ITFG1: variants seen among roughly 807,000 people sequenced by gnomAD.
ITFG1 encodes the protein T-cell immunomodulatory protein.
In ITFG1, 34 loss-of-function variants were observed where a neutral mutation model predicts 81.8. That is an observed-to-expected ratio of 0.42 (90% confidence interval 0.32 to 0.55). The LOEUF (loss-of-function observed/expected upper bound fraction) is 0.55, where lower values mean the gene tolerates loss of function less well. Among genes scored for constraint, ITFG1 ranks in the 20% least tolerant of loss-of-function variants. The pLI is 0.17. For missense variants in ITFG1, 672 were observed against 755.4 expected, an observed-to-expected ratio of 0.89 and a Z score of 1.29; for synonymous variants, 285 against 270.6, an observed-to-expected ratio of 1.05 and a Z score of -0.52.
At chr16:47,256,078 C>A (rs1966136355) in intron 12 of ITFG1, among the ~76,000 whole-genome samples, 1 of 152,186 alleles carries the variant, frequency 6.6e-6, no homozygotes, top group East Asian at 1.9e-4. Context: ...AGGCTCCAGC[C>A]TCAGCCTCCT....
chr16:47,392,819 C>T (rs925607017), intron 6 of ITFG1, among the ~76,000 whole-genome samples: 11 of 152,182 alleles, frequency 7.2e-5, no homozygotes, highest in South Asian at 2.1e-4. Flanking sequence ...CAATATCTGA[C>T]ACTGGTCTCA....
At position 47,364,663 on chromosome 16, in the gene ITFG1, A is replaced by G. The variant is rs560883834; in HGVS notation, c.802+1125T>C. The stretch of plus-strand genomic sequence containing the variant: ...CAACAGAAATTTACTTAAAATTAAC[A>G]TAATATTCAATATAACTAAAATACA... On this transcript the variant is annotated intron_variant, in intron 8 of 17. Transcript: ENST00000320640. Among the ~76,000 whole-genome samples, 11 of 152,342 alleles carry G rather than the reference A, an allele frequency of 7.2e-5. No homozygotes were observed. The East Asian group carries it at 2.1e-3, about 29-fold the overall frequency.
intron 6 of ITFG1, among the ~76,000 whole-genome samples, chr16:47,385,953 T>C (rs1191995369): frequency 1.3e-5 from 2 of 152,176 alleles, no homozygotes; most frequent in Non-Finnish European, 2.9e-5. Flanking sequence ...GAATATTCCT[T>C]TGGAGCATAC....
intron 8 of ITFG1, among the ~76,000 whole-genome samples, chr16:47,339,280 C>T (rs1210811196): frequency 1.3e-5 from 2 of 152,194 alleles, no homozygotes; most frequent in African/African-American, 4.8e-5. Context: ...CTGTGACATA[C>T]TGATTTCCTT....
At chr16:47,321,227 T>C (rs762954802) in intron 8 of ITFG1, among the ~76,000 whole-genome samples, 4 of 152,182 alleles carry the variant, frequency 2.6e-5, no homozygotes, top group African/African-American at 9.7e-5. Context: ...GCTTTTAATA[T>C]GTGAGACCCA....
chr16:47,436,868 A>G (rs186265685), intron 5 of ITFG1, among the ~76,000 whole-genome samples: 17 of 152,340 alleles, frequency 1.1e-4, no homozygotes, highest in Admixed American at 9.8e-4. Flanking sequence ...ATTTTTGAGA[A>G]GTAAACCAAA....
chr16:47,454,434 T>C (rs1969426987), intron 2 of ITFG1, among the ~76,000 whole-genome samples: 1 of 152,198 alleles, frequency 6.6e-6, no homozygotes. Flanking sequence ...ATGGCTAGTA[T>C]AGCCCTTCTA....
At chr16:47,443,701 G>A (rs957094542) in intron 5 of ITFG1, among the ~76,000 whole-genome samples, 6 of 151,992 alleles carry the variant, frequency 3.9e-5, no homozygotes, top group Non-Finnish European at 7.4e-5. Context: ...TGAACAAAGA[G>A]AACACATGGA....
intron 10 of ITFG1, among the ~76,000 whole-genome samples, chr16:47,310,577 C>T (rs1450443002): frequency 6.6e-6 from 1 of 152,084 alleles, no homozygotes; most frequent in Non-Finnish European, 1.5e-5. Context: ...AAAGTAATTG[C>T]AGCATTAAAA....
intron 14 of ITFG1, among the ~76,000 whole-genome samples, chr16:47,216,050 C>T (rs8047754): frequency 0.12 from 17,901 of 151,996 alleles, 2,301 homozygotes; most frequent in African/African-American, 0.32. Flanking sequence ...TGGGGTAGAT[C>T]TTTAAAAATC....
intron 10 of ITFG1, among the ~76,000 whole-genome samples, chr16:47,307,393 C>T (rs1041669690): frequency 2.0e-5 from 3 of 152,028 alleles, no homozygotes; most frequent in African/African-American, 7.2e-5. Context: ...TTTCTTCCCT[C>T]AGAACTAATT....
intron 10 of ITFG1, among the ~76,000 whole-genome samples, chr16:47,295,191 AAT>A (rs1207267982): frequency 2.0e-5 from 3 of 152,108 alleles, no homozygotes; most frequent in African/African-American, 4.8e-5. Context: ...GCATCGCTGG[AAT>A]AAATCTTGCT....
At chr16:47,301,261 T>TG (rs1432280289) in intron 10 of ITFG1, among the ~76,000 whole-genome samples, 4 of 152,082 alleles carry the variant, frequency 2.6e-5, no homozygotes. Context: ...GACTAAAAAC[T>TG]AGAGAAAATG....
chr16:47,350,735 A>G (rs2151581223), intron 8 of ITFG1, among the ~76,000 whole-genome samples: 1 of 152,340 alleles, frequency 6.6e-6, no homozygotes, highest in Admixed American at 6.5e-5. Flanking sequence ...TCATCCTGAC[A>G]CCAAAGCCGG....
chr16:47,296,505 G>A lies in ITFG1; in HGVS notation c.1070+14735C>T, dbSNP rs188216263. On this transcript the variant is annotated intron_variant, in intron 10 of 17. Transcript: ENST00000320640. ...GGCTGGAGTGCAGTGGCACAATCTC[G>A]GCTCACTGAAACTTCCGCCTCCCGG... is the stretch of plus-strand genomic sequence containing the variant. Among the ~76,000 whole-genome samples, 271 of 152,030 alleles carry A rather than the reference G, an allele frequency of 1.8e-3. 2 individuals carry two copies. In the Middle Eastern group the frequency reaches 0.024, roughly 13 times the overall value.
intron 14 of ITFG1, chr16:47,202,332 T>A (rs1302695552): frequency 1.3e-5 from 2 of 152,200 alleles, no homozygotes; most frequent in Non-Finnish European, 2.9e-5. Context: ...GTCTGAAGAA[T>A]TTAACGTCGA....
chr16:47,302,975 G>GA (rs1231715104), intron 10 of ITFG1, among the ~76,000 whole-genome samples: 1 of 152,126 alleles, frequency 6.6e-6, no homozygotes, highest in African/African-American at 2.4e-5. Flanking sequence ...AATATGTGAA[G>GA]AAAAATAGAC....
At chr16:47,408,366 T>C (rs905590400) in intron 6 of ITFG1, among the ~76,000 whole-genome samples, 1 of 152,206 alleles carries the variant, frequency 6.6e-6, no homozygotes, top group African/African-American at 2.4e-5. Context: ...CACAAAGAAG[T>C]TCCTAAGCAG....
At chr16:47,455,595 C>G (rs1427286505) in intron 2 of ITFG1, among the ~76,000 whole-genome samples, 1 of 151,160 alleles carries the variant, frequency 6.6e-6, no homozygotes, top group Non-Finnish European at 1.5e-5. Context: ...ATTGCAAAAC[C>G]CTGTCACTAT....
Sources: allele counts gnomAD v4.1 joint callset (sites outside exome capture counted in the v4.1 genomes callset), GRCh38; gene constraint gnomAD v4.1.1; transcripts MANE v1.5; gene names NCBI Gene and HGNC (gene_info 2026-07-23, HGNC 2026-07-21).